Variants in HERC3 observed in about 807,000 individuals in gnomAD.
The protein encoded by HERC3 is probable E3 ubiquitin-protein ligase HERC3.
A neutral mutation model predicts 129.9 loss-of-function variants in HERC3; 58 were observed. The ratio of observed to expected loss-of-function variants is 0.45; its 90% CI spans 0.36 to 0.56. The LOEUF is 0.56. Ranked by LOEUF, HERC3 falls within the 20% of genes least tolerant of loss-of-function variation. The pLI, the probability that HERC3 is intolerant of heterozygous loss-of-function variation, is 0.00. For missense variants in HERC3, 835 were observed against 1,244.2 expected, an observed-to-expected ratio of 0.67 and a Z score of 4.95; for synonymous variants, 430 against 451.0, an observed-to-expected ratio of 0.95 and a Z score of 0.59.
chr4:88,706,204 A>G (rs749277434), intron 25 of HERC3, among the ~76,000 whole-genome samples: 11 of 152,236 alleles, frequency 7.2e-5, no homozygotes, highest in African/African-American at 1.4e-4. Flanking sequence ...CAATTCAACT[A>G]TGAGAGTGTT....
At chr4:88,560,568 G>A in the HERC3 span, among the ~76,000 whole-genome samples, 1 of 151,964 alleles carries the variant, frequency 6.6e-6, no homozygotes, top group African/African-American at 2.4e-5. Context: ...TTCCTTTGCT[G>A]TGCAGAAACT....
At chr4:88,627,374 A>G (rs991240093) in intron 3 of HERC3, among the ~76,000 whole-genome samples, 2 of 152,182 alleles carry the variant, frequency 1.3e-5, no homozygotes, top group Admixed American at 1.3e-4. Context: ...ACAATATACT[A>G]TTGTTATTTA....
At chr4:88,673,523 A>T (rs933525844) in intron 16 of HERC3, among the ~76,000 whole-genome samples, 1 of 152,194 alleles carries the variant, frequency 6.6e-6, no homozygotes, top group Non-Finnish European at 1.5e-5. Context: ...ATGGTCCACT[A>T]GTACTTTACT....
chr4:88,600,694 A>G (rs920569796), intron 2 of HERC3, among the ~76,000 whole-genome samples: 3 of 152,172 alleles, frequency 2.0e-5, no homozygotes, highest in Non-Finnish European at 4.4e-5. Flanking sequence ...TCTCCAGGGG[A>G]GGCCTCACAT....
chr4:88,617,478 A>C (rs1006697533), intron 3 of HERC3, among the ~76,000 whole-genome samples: 2 of 152,216 alleles, frequency 1.3e-5, no homozygotes, highest in Non-Finnish European at 2.9e-5. Context: ...GCCTCATACT[A>C]TATGAACTGT....
chr4:88,587,510 C>G (rs1290457356), upstream of HERC3, among the ~76,000 whole-genome samples: 3 of 152,186 alleles, frequency 2.0e-5, no homozygotes. Flanking sequence ...GTAATAACAA[C>G]AAACCATTTA....
rs370187033 is a variant in HERC3, at chr4:88,706,990, C to G, written c.*30C>G. 6.4e-7 allele frequency: 1 copy of G among 1,555,224 alleles called. No individual in the cohort carries two copies. The highest frequency in any genetic ancestry group is 2.2e-5 in the East Asian group (1 of 44,618). ...TCTCAGCTTGTCCAGTATTTCCCTT[C>G]GTTCCTCAGTGTCCACATTGAGGCC... On this transcript the variant is annotated 3_prime_UTR_variant, in exon 26 of 26. Coordinates refer to ENST00000402738, the MANE Select transcript of HERC3 (RefSeq NM_014606.3).
chr4:88,561,597 TA>T, the HERC3 span, among the ~76,000 whole-genome samples: 1 of 152,164 alleles, frequency 6.6e-6, no homozygotes, highest in Admixed American at 6.5e-5. Context: ...TATCAAACAC[TA>T]GATCTTATTC....
intron 1 of HERC3, among the ~76,000 whole-genome samples, chr4:88,594,275 A>G (rs1229560887): frequency 2.6e-5 from 4 of 152,216 alleles, no homozygotes; most frequent in Non-Finnish European, 5.9e-5. Context: ...AACTTTTTTT[A>G]TACTTAATGA....
intron 20 of HERC3, 25 bp from the exon 21 acceptor site, chr4:88,681,134 A>G: frequency 6.4e-7 from 1 of 1,563,048 alleles, no homozygotes; most frequent in Non-Finnish European, 8.6e-7. Context: ...TTTCTTTTTA[A>G]CACATTTGTA....
chr4:88,610,894 G>A (rs1038751197), intron 3 of HERC3, among the ~76,000 whole-genome samples: 1 of 152,218 alleles, frequency 6.6e-6, no homozygotes, highest in Non-Finnish European at 1.5e-5. Context: ...CTGGATGTGA[G>A]TGAGCTCTGG....
At chr4:88,670,353 C>T (rs1371408910) in intron 16 of HERC3, 101 bp downstream of exon 16, 4 of 755,542 alleles carry the variant, frequency 5.3e-6, no homozygotes, top group Admixed American at 2.5e-5. Context: ...AGTGTGTCAC[C>T]TATTCTTCAT....
chr4:88,658,227 A>G, intron 9 of HERC3, 188 bp from the exon 10 acceptor site: 1 of 403,540 alleles, frequency 2.5e-6, no homozygotes. Context: ...ACCATTTTAT[A>G]TATTTATTTT....
the HERC3 span, among the ~76,000 whole-genome samples, chr4:88,559,288 A>T: frequency 6.6e-6 from 1 of 152,218 alleles, no homozygotes; most frequent in Non-Finnish European, 1.5e-5. Context: ...CTAAACAAAA[A>T]ACCTCATTTA....
At chr4:88,655,734 C>A in intron 8 of HERC3, 141 bp from the exon 9 acceptor site, 2 of 758,298 alleles carry the variant, frequency 2.6e-6, no homozygotes, top group South Asian at 3.9e-5. Flanking sequence ...GCAGCCGCTG[C>A]AAGAAGAGTC....
chr4:88,562,791 G>A, the HERC3 span, among the ~76,000 whole-genome samples: 395 of 152,184 alleles, frequency 2.6e-3, 1 homozygote, highest in African/African-American at 9.1e-3. Context: ...TGATACTTTC[G>A]TGAAGAATGA....
At chr4:88,582,375 T>TA in the HERC3 span, among the ~76,000 whole-genome samples, 1 of 152,128 alleles carries the variant, frequency 6.6e-6, no homozygotes, top group Admixed American at 6.5e-5. Context: ...TATCCCAAAA[T>TA]ATGGTGCTTT....
chr4:88,577,797 A>ATCAATG, the HERC3 span, among the ~76,000 whole-genome samples: 1 of 152,142 alleles, frequency 6.6e-6, no homozygotes, highest in East Asian at 1.9e-4. Context: ...GAAACAATTC[A>ATCAATG]AAAGGTAAGA....
At chr4:88,647,297 A>G (rs1275759016) in intron 3 of HERC3, among the ~76,000 whole-genome samples, 1 of 152,190 alleles carries the variant, frequency 6.6e-6, no homozygotes, top group Admixed American at 6.5e-5. Flanking sequence ...GAAAATTATT[A>G]GTGTTGTGTT....
Sources: gnomAD v4.1 joint callset for allele counts (sites outside exome capture counted in the v4.1 genomes callset) on GRCh38, gnomAD v4.1.1 for gene constraint, MANE v1.5 for transcripts, NCBI Gene and HGNC (gene_info 2026-07-23, HGNC 2026-07-21) for gene names.